Variants in CIAPIN1 observed in about 807,000 individuals in gnomAD.
CIAPIN1 encodes cytokine induced apoptosis inhibitor 1.
A neutral mutation model predicts 34.3 loss-of-function variants in CIAPIN1; 18 were observed. That is an observed-to-expected ratio of 0.52 (90% CI 0.36 to 0.78). The LOEUF (loss-of-function observed/expected upper bound fraction) is 0.78. Among genes scored for constraint, CIAPIN1 ranks in the 30% least tolerant of loss-of-function variants. The pLI, the probability that CIAPIN1 is intolerant of heterozygous loss-of-function variation, is 0.00. For missense variants in CIAPIN1, 310 were observed against 372.5 expected, an observed-to-expected ratio of 0.83 and a Z score of 1.38; for synonymous variants, 131 against 140.4, an observed-to-expected ratio of 0.93 and a Z score of 0.47.
At chr16:57,440,591 C>T (rs1297415445) in intron 2 of CIAPIN1, among the ~76,000 whole-genome samples, 181 bp downstream of exon 2, 1 of 152,138 alleles carries the variant, frequency 6.6e-6, no homozygotes, top group Non-Finnish European at 1.5e-5. Context: ...AGAAAAGAAC[C>T]TACGTTGAAT....
chr16:57,446,918 G>A (rs1204862185), intron 1 of CIAPIN1, among the ~76,000 whole-genome samples: 1 of 152,222 alleles, frequency 6.6e-6, no homozygotes. Flanking sequence ...AGGCTTTCGT[G>A]CTTTGCTGCC....
chr16:57,446,389 A>C (rs1567575707), intron 1 of CIAPIN1, among the ~76,000 whole-genome samples: 1 of 152,162 alleles, frequency 6.6e-6, no homozygotes, highest in African/African-American at 2.4e-5. Context: ...TCTTCCCCGC[A>C]CCCGTGCAGG....
At chr16:57,433,108 G>C (rs1473653562) in intron 5 of CIAPIN1, among the ~76,000 whole-genome samples, 3 of 146,566 alleles carry the variant, frequency 2.0e-5, no homozygotes, top group Non-Finnish European at 3.1e-5. Flanking sequence ...CTACATACAA[G>C]AAAATAGGCT....
chr16:57,439,669 A>C (rs2146568051), intron 2 of CIAPIN1, among the ~76,000 whole-genome samples: 1 of 152,360 alleles, frequency 6.6e-6, no homozygotes, highest in East Asian at 1.9e-4. Context: ...ATACTTTTAT[A>C]ATTTCTTACG....
At chr16:57,439,841 T>C (rs1903286797) in intron 2 of CIAPIN1, among the ~76,000 whole-genome samples, 1 of 152,200 alleles carries the variant, frequency 6.6e-6, no homozygotes, top group African/African-American at 2.4e-5. Context: ...CAGAACCCTG[T>C]GATGATTGCG....
In CIAPIN1 at chr16:57,440,835, G is replaced by A; in HGVS notation, c.94C>T (p.Leu32Phe). ...CCCTCATTGCCGGTTAACGCTTGAA[G>A]CTTATCCACCAGACCTTTCAGAGCC... is the stretch of plus-strand genomic sequence containing the variant. ...VEALKGLVDK[L>F]QALTGNEGRV... Residue 32 changes from leucine (L) to phenylalanine (F), a missense_variant, in exon 2 of 9, where the codon CTT becomes TTT. Coordinates refer to ENST00000394391, the MANE Select transcript of CIAPIN1 (RefSeq NM_020313.4). 6.2e-7 allele frequency: 1 copy of A among 1,614,008 alleles called. No homozygotes were observed. Among genetic ancestry groups the A allele is most frequent in the Non-Finnish European group, 8.5e-7 (1 of 1,179,928 alleles).
In CIAPIN1 at chr16:57,429,052, A is replaced by G. The variant is rs1362607755; in HGVS notation, c.*118T>C. On this transcript the variant is annotated 3_prime_UTR_variant, in exon 9 of 9. Transcript: ENST00000394391. ...GCTTCACTCTGTCTGCTAAGCACCC[A>G]CTCTGCAAACAGATCTCAGAGTGAA... 1.1e-5 allele frequency: 8 copies of G among 708,514 alleles called. No homozygotes were observed. The highest frequency in any genetic ancestry group is 1.8e-5 in the Non-Finnish European group (7 of 398,844). 43.9% of individuals were successfully genotyped at this position (708,514 alleles called of 1,614,324 possible).
chr16:57,440,330 T>C (rs1286576057), intron 2 of CIAPIN1, among the ~76,000 whole-genome samples: 1 of 152,206 alleles, frequency 6.6e-6, no homozygotes. Flanking sequence ...GCCCCAGTCC[T>C]GTGATCTCGC....
intron 3 of CIAPIN1, among the ~76,000 whole-genome samples, 194 bp downstream of exon 3, chr16:57,438,988 A>G (rs982493661): frequency 2.0e-5 from 3 of 152,254 alleles, no homozygotes; most frequent in Non-Finnish European, 4.4e-5. Context: ...ATTTTATTAC[A>G]TAATGAGTCA....
chr16:57,445,423 G>T lies in CIAPIN1; in HGVS notation c.-56+1919C>A, dbSNP rs1286593118. On this transcript the variant is annotated intron_variant, in intron 1 of 8. Transcript: ENST00000394391. The stretch of plus-strand genomic sequence containing the variant: ...TTGGTAGACTGAGGTAGGCAGAATT[G>T]CTTGAACTCAGGAGGCGGACGTTGT... Among the ~76,000 whole-genome samples the T allele has an allele frequency of 2.0e-5, 3 of 152,182 alleles. No homozygotes were observed. In the East Asian group the frequency reaches 5.8e-4, roughly 29 times the overall value.
chr16:57,436,174 C>T (rs903192008), intron 4 of CIAPIN1, among the ~76,000 whole-genome samples: 1 of 152,204 alleles, frequency 6.6e-6, no homozygotes, highest in Non-Finnish European at 1.5e-5. Context: ...CCCCAGCCCA[C>T]ATGGGCCAAG....
At chr16:57,431,028 G>T in intron 7 of CIAPIN1, 123 bp downstream of exon 7, 1 of 571,248 alleles carries the variant, frequency 1.8e-6, no homozygotes, top group Non-Finnish European at 3.1e-6. Context: ...TATTTGCAGA[G>T]ATGGTCTCCC....
intron 6 of CIAPIN1, 76 bp from the exon 7 acceptor site, chr16:57,431,342 G>A (rs190780883): frequency 1.6e-5 from 16 of 984,364 alleles, no homozygotes; most frequent in South Asian, 2.9e-5. Context: ...TGCAGGCTTC[G>A]AGAGGAAACT....
At chr16:57,445,783 C>A (rs1248148410) in intron 1 of CIAPIN1, among the ~76,000 whole-genome samples, 1 of 149,108 alleles carries the variant, frequency 6.7e-6, no homozygotes, top group African/African-American at 2.5e-5. Flanking sequence ...ACACTTGTTC[C>A]CTGCCCTCAA....
chr16:57,446,433 A>G (rs1317323328), intron 1 of CIAPIN1, among the ~76,000 whole-genome samples: 1 of 152,224 alleles, frequency 6.6e-6, no homozygotes, highest in African/African-American at 2.4e-5. Flanking sequence ...ACTAGATTTG[A>G]CAAGGGGTGT....
intron 8 of CIAPIN1, among the ~76,000 whole-genome samples, chr16:57,429,682 C>T (rs976147994): frequency 8.9e-4 from 136 of 152,010 alleles, no homozygotes; most frequent in South Asian, 3.5e-3. Flanking sequence ...TTAGTAGAGA[C>T]GGGGTTTCAC....
At chr16:57,436,979 T>C (rs1378144774) in intron 3 of CIAPIN1, among the ~76,000 whole-genome samples, 4 of 151,498 alleles carry the variant, frequency 2.6e-5, no homozygotes, top group East Asian at 1.9e-4. Context: ...ACAAAAAAAA[T>C]AGCCAGGCGT....
chr16:57,440,761 T>C lies in CIAPIN1; in HGVS notation c.157+11A>G. On this transcript the variant is annotated intron_variant, in intron 2 of 8. Transcript: ENST00000394391. The stretch of plus-strand genomic sequence containing the variant: ...TCCAGCCTCATAAAGACAACGTGGG[T>C]GGGTACTTACATTGCAACAGCTGCT... 1 of 1,606,410 alleles carries C rather than the reference T, an allele frequency of 6.2e-7. No individual in the cohort carries two copies.
At chr16:57,434,711 C>T (rs1416634653) in intron 4 of CIAPIN1, among the ~76,000 whole-genome samples, 1 of 152,090 alleles carries the variant, frequency 6.6e-6, no homozygotes, top group Non-Finnish European at 1.5e-5. Context: ...CACAGTCCAT[C>T]TATTGTATGG....
Sources: gnomAD v4.1 joint callset for allele counts (sites outside exome capture counted in the v4.1 genomes callset) on GRCh38, gnomAD v4.1.1 for gene constraint, MANE v1.5 for transcripts, NCBI Gene and HGNC (gene_info 2026-07-23, HGNC 2026-07-21) for gene names.